The following XRCC4 variants were observed in gnomAD, a reference collection of about 807,000 sequenced individuals.
The protein encoded by XRCC4 is X-ray repair cross complementing 4, also known as DNA repair protein XRCC4.
XRCC4 carries 28 observed loss-of-function variants against 39.1 expected under a neutral mutation model. The observed-to-expected ratio is 0.72, with a 90% CI of 0.53 to 0.98. XRCC4 has a LOEUF of 0.98. XRCC4 is among the 50% of genes least tolerant of loss of function. XRCC4 has a pLI of 0.00. For missense variants in XRCC4, 350 were observed against 376.4 expected (o/e 0.93, Z 0.58); for synonymous variants, 123 against 126.4 (o/e 0.97, Z 0.18).
chr5:83,176,734 A>C (rs1267231823), intron 3 of XRCC4, among the ~76,000 whole-genome samples: 1 of 151,074 alleles, frequency 6.6e-6, no homozygotes, highest in African/African-American at 2.4e-5. Context: ...TGATACTCCC[A>C]CCTCAGCCTT....
At chr5:83,078,397 G>A (rs1342429240) in intron 1 of XRCC4, among the ~76,000 whole-genome samples, 1 of 152,194 alleles carries the variant, frequency 6.6e-6, no homozygotes, top group East Asian at 1.9e-4. Flanking sequence ...TTCTAAATGT[G>A]TGGTGTATTT....
chr5:83,349,909 C>G (rs1757029786), intron 7 of XRCC4, among the ~76,000 whole-genome samples: 1 of 151,966 alleles, frequency 6.6e-6, no homozygotes, highest in South Asian at 2.1e-4. Context: ...ACCCATGACC[C>G]CTCCTTCCCT....
At chr5:83,332,908 T>C (rs1191640990) in intron 7 of XRCC4, among the ~76,000 whole-genome samples, 1 of 152,192 alleles carries the variant, frequency 6.6e-6, no homozygotes, top group Non-Finnish European at 1.5e-5. Flanking sequence ...CAGTAAGTTA[T>C]GAGACCTCAG....
At chr5:83,221,214 A>G (rs1282199460) in intron 6 of XRCC4, among the ~76,000 whole-genome samples, 1 of 152,164 alleles carries the variant, frequency 6.6e-6, no homozygotes, top group Non-Finnish European at 1.5e-5. Flanking sequence ...TTATTATGGC[A>G]TCACTACCAC....
At chr5:83,137,260 TGAA>T (rs1446499829) in intron 3 of XRCC4, among the ~76,000 whole-genome samples, 1 of 152,158 alleles carries the variant, frequency 6.6e-6, no homozygotes, top group Non-Finnish European at 1.5e-5. Flanking sequence ...TATATATGAA[TGAA>T]GAACAGAAAT....
At chr5:83,093,359 CAGT>C (rs1238048618) in intron 1 of XRCC4, among the ~76,000 whole-genome samples, 2 of 152,148 alleles carry the variant, frequency 1.3e-5, no homozygotes, top group African/African-American at 4.8e-5. Flanking sequence ...AATACAATAA[CAGT>C]AGAGAACTTC....
intron 7 of XRCC4, among the ~76,000 whole-genome samples, chr5:83,261,737 T>TATTTATTAAATATTAAAAATA (rs1753759657): frequency 6.6e-6 from 1 of 151,812 alleles, no homozygotes; most frequent in African/African-American, 2.4e-5. Context: ...TATTTATAGA[T>TATTTATTAAATATTAAAAATA]CTATTGTATA....
intron 7 of XRCC4, among the ~76,000 whole-genome samples, chr5:83,262,838 C>CTTT (rs72274529): frequency 8.2e-4 from 98 of 119,268 alleles, no homozygotes; most frequent in East Asian, 3.1e-3. Context: ...TTATCACAGT[C>CTTT]TTTTTTTTTT....
intron 7 of XRCC4, among the ~76,000 whole-genome samples, chr5:83,264,667 T>A (rs1753892226): frequency 6.6e-6 from 1 of 152,020 alleles, no homozygotes. Context: ...TCGTTGCAGA[T>A]CCCTCTCTCT....
chr5:83,373,604 T>C, the XRCC4 span, among the ~76,000 whole-genome samples: 1 of 152,216 alleles, frequency 6.6e-6, no homozygotes, highest in Admixed American at 6.5e-5. Flanking sequence ...TAATGAGAAA[T>C]TGACTTCTTT....
intron 3 of XRCC4, among the ~76,000 whole-genome samples, chr5:83,134,900 C>T (rs557105076): frequency 5.3e-5 from 8 of 152,160 alleles, no homozygotes; most frequent in South Asian, 2.1e-4. Context: ...TGACACTGAC[C>T]GCGAAGGTCT....
chr5:83,106,001 A>G (rs1305955052), intron 2 of XRCC4, among the ~76,000 whole-genome samples: 1 of 152,118 alleles, frequency 6.6e-6, no homozygotes, highest in African/African-American at 2.4e-5. Context: ...ACAGAGTTTC[A>G]AAAAAATTGT....
chr5:83,227,869 C>T (rs912852829), intron 6 of XRCC4, among the ~76,000 whole-genome samples: 1 of 151,996 alleles, frequency 6.6e-6, no homozygotes. Context: ...CTCAGGGATT[C>T]GTAAAGAATT....
chr5:83,098,773 C>A (rs1039044050), intron 1 of XRCC4, among the ~76,000 whole-genome samples: 4 of 151,872 alleles, frequency 2.6e-5, no homozygotes, highest in African/African-American at 4.8e-5. Context: ...TAAAAAAAAT[C>A]TTTAATGTGG....
chr5:83,211,814 A>T (rs1267331625), intron 6 of XRCC4, among the ~76,000 whole-genome samples: 1 of 152,222 alleles, frequency 6.6e-6, no homozygotes. Context: ...AGAGAAACAG[A>T]TTTCATACAT....
intron 7 of XRCC4, among the ~76,000 whole-genome samples, chr5:83,351,571 C>A (rs1263605713): frequency 6.6e-6 from 1 of 152,108 alleles, no homozygotes; most frequent in African/African-American, 2.4e-5. Context: ...TCATTTTCTC[C>A]TCCTTTGGAA....
At chr5:83,277,837 G>A (rs1050347503) in intron 7 of XRCC4, among the ~76,000 whole-genome samples, 1 of 151,930 alleles carries the variant, frequency 6.6e-6, no homozygotes, top group African/African-American at 2.4e-5. Flanking sequence ...AGAAACTTTA[G>A]GATAACTATA....
downstream of XRCC4, among the ~76,000 whole-genome samples, chr5:83,355,913 C>T (rs1401710559): frequency 1.3e-5 from 2 of 152,176 alleles, no homozygotes; most frequent in Admixed American, 6.5e-5. Flanking sequence ...GCTAGGATTA[C>T]AGGCATGAGC....
intron 3 of XRCC4, among the ~76,000 whole-genome samples, chr5:83,154,053 C>G (rs1270554698): frequency 6.6e-6 from 1 of 152,108 alleles, no homozygotes; most frequent in Non-Finnish European, 1.5e-5. Flanking sequence ...CTTTATCATA[C>G]AGTTAAGGAA....
Sources: allele counts gnomAD v4.1 joint callset (sites outside exome capture counted in the v4.1 genomes callset), GRCh38; gene constraint gnomAD v4.1.1; transcripts MANE v1.5; gene names NCBI Gene and HGNC (gene_info 2026-07-23, HGNC 2026-07-21).